The following DEF6 variants were observed in gnomAD, a reference collection of about 807,000 sequenced individuals.
The protein encoded by DEF6 is differentially expressed in FDCP 6 homolog.
In DEF6, 32 loss-of-function variants were observed where a neutral mutation model predicts 80.5. The ratio of observed to expected loss-of-function variants is 0.40; its 90% CI spans 0.30 to 0.53. The LOEUF (loss-of-function observed/expected upper bound fraction) is 0.53. Among genes scored for constraint, DEF6 ranks in the 20% least tolerant of loss-of-function variants. DEF6 has a pLI of 0.57. For synonymous variants in DEF6, 300 were observed against 337.9 expected (o/e 0.89, Z 1.23); for missense variants, 575 against 818.7 (o/e 0.70, Z 3.63).
At position 35,319,864 on chromosome 6, in the gene DEF6, G is replaced by A. The variant is rs1191838976; in HGVS notation, c.1428G>A (p.Leu476=). 6.3e-7 allele frequency: 1 copy of A among 1,587,332 alleles called. No individual in the cohort carries two copies. The highest frequency in any genetic ancestry group is 8.6e-7 in the Non-Finnish European group (1 of 1,166,742). Reference sequence around the variant, plus strand: ...AGAAGCTGAAGCAGTTGATGCAGCTGAAGGAGGAGCAGGAGCGCTACATCG... The same window carrying A: ...AGAAGCTGAAGCAGTTGATGCAGCTAAAGGAGGAGCAGGAGCGCTACATCG... ...EEEKLKQLMQ[L]KEEQERYIER... is the part of the protein sequence containing the mutation. The change falls in exon 9 of 11, where the codon CTG becomes CTA. Residue 476 remains leucine, a synonymous_variant. Coordinates refer to ENST00000316637, the MANE Select transcript of DEF6 (RefSeq NM_022047.4). This position sits in a 1 kb window ranked among gnomAD's most constrained non-coding sequence, Gnocchi z 4.5.
At chr6:35,321,007 G>A in intron 10 of DEF6, 33 bp downstream of exon 10, 2 of 1,608,494 alleles carry the variant, frequency 1.2e-6, no homozygotes, top group Non-Finnish European at 1.7e-6. Context: ...GCTTTCCCTG[G>A]AGCTGGGAGG....
At position 35,317,918 on chromosome 6, in the gene DEF6, T is replaced by C. The variant is rs1241379101; in HGVS notation, c.835T>C (p.Cys279Arg). The C allele has an allele frequency of 6.2e-7, 1 of 1,613,802 alleles. No individual in the cohort carries two copies. The highest frequency in any genetic ancestry group is 8.5e-7 in the Non-Finnish European group (1 of 1,179,982). Residue 279 changes from cysteine (C) to arginine (R), a missense_variant, in exon 6 of 11, where the codon TGC becomes CGC. Cys to Arg is a radical substitution (Grantham distance 180). Transcript: ENST00000316637. ...EVLPDRDGKR[C>R]MFCVKTANRT... ...GCTGCCAGACCGCGACGGAAAGCGC[T>C]GCATGTTCTGTGTGAAGACAGCCAA...
intron 2 of DEF6, among the ~76,000 whole-genome samples, chr6:35,310,241 T>C (rs754600247): frequency 6.6e-5 from 10 of 152,208 alleles, no homozygotes; most frequent in Non-Finnish European, 1.3e-4. Flanking sequence ...GTTAATCTGT[T>C]GTCAGGGGGC....
intron 5 of DEF6, among the ~76,000 whole-genome samples, chr6:35,315,431 G>A (rs1184460464): frequency 4.1e-5 from 6 of 147,320 alleles, no homozygotes; most frequent in African/African-American, 1.5e-4. Context: ...TTGGCTATTT[G>A]AGGTCTTTTG....
At chr6:35,307,319 A>G (rs374387353) in intron 1 of DEF6, among the ~76,000 whole-genome samples, 1 of 152,278 alleles carries the variant, frequency 6.6e-6, no homozygotes, top group Non-Finnish European at 1.5e-5. Context: ...GAATCACGTG[A>G]ACCTGGGAGG....
chr6:35,320,684 G>T (rs1791580229), intron 9 of DEF6, among the ~76,000 whole-genome samples, 200 bp from the exon 10 acceptor site: 1 of 152,174 alleles, frequency 6.6e-6, no homozygotes, highest in Non-Finnish European at 1.5e-5. Flanking sequence ...TTATCTTTTG[G>T]AAGTCCATGA....
At chr6:35,301,085 C>T (rs1346729185) in intron 1 of DEF6, among the ~76,000 whole-genome samples, 1 of 152,126 alleles carries the variant, frequency 6.6e-6, no homozygotes, top group Non-Finnish European at 1.5e-5. Context: ...TCTCCTGCAC[C>T]TCCAGCTGAT....
At chr6:35,311,367 C>A (rs1196155160) in intron 3 of DEF6, among the ~76,000 whole-genome samples, 4 of 152,068 alleles carry the variant, frequency 2.6e-5, no homozygotes, top group South Asian at 4.1e-4. Context: ...TCTGTACTTA[C>A]AAGAAGCCCT....
intron 1 of DEF6, among the ~76,000 whole-genome samples, chr6:35,299,314 A>G (rs942040913): frequency 6.6e-6 from 1 of 152,160 alleles, no homozygotes; most frequent in African/African-American, 2.4e-5. Context: ...CATTTCTGCA[A>G]ACTCTGTGTC....
At position 35,318,554 on chromosome 6, in the gene DEF6, G is replaced by C; in HGVS notation, c.1215+83G>C. On this transcript the variant is annotated intron_variant, in intron 7 of 10. Transcript: ENST00000316637. The surrounding 1 kb of genome is among the most constrained non-coding windows in gnomAD (Gnocchi z 5.1). ...GCGGAGCGCCGGGGGCGGGGCCTGGGCAGAGGGCGGAGCTCCTGGGTTGAG... is the reference window on the plus strand; with the variant it reads ...GCGGAGCGCCGGGGGCGGGGCCTGGCCAGAGGGCGGAGCTCCTGGGTTGAG... 2 of 1,294,310 alleles carry C rather than the reference G, an allele frequency of 1.5e-6. No individual in the cohort carries two copies. The highest frequency in any genetic ancestry group is 3.9e-5 in the South Asian group (2 of 51,424). The allele number at this position is 1,294,310 out of a possible 1,614,324, so 80.2% of individuals were successfully genotyped here. A position where few individuals can be genotyped will look rare whatever the true frequency, so the allele number is the denominator to read the frequency against.
intron 1 of DEF6, 126 bp downstream of exon 1, chr6:35,298,078 G>A: frequency 8.1e-6 from 7 of 866,368 alleles, no homozygotes; most frequent in South Asian, 7.6e-5. Context: ...CCGGGCCTGG[G>A]GTCGGGGGGC....
intron 5 of DEF6, among the ~76,000 whole-genome samples, chr6:35,315,913 C>T (rs2150388266): frequency 7.3e-6 from 1 of 136,542 alleles, no homozygotes; most frequent in South Asian, 2.4e-4. Context: ...GGCTGGAGTG[C>T]AATGGCACGA....
In DEF6 at chr6:35,319,192, T is replaced by C. The variant is rs116666828; in HGVS notation, c.1216-332T>C. ...AACATATTATTATATATTATAATAA[T>C]TATTAAGTTAGTGCTAGGAAGGAGA... On this transcript the variant is annotated intron_variant, in intron 7 of 10. Coordinates refer to ENST00000316637, the MANE Select transcript of DEF6 (RefSeq NM_022047.4). This position sits in a 1 kb window ranked among gnomAD's most constrained non-coding sequence, Gnocchi z 4.5. Among the ~76,000 whole-genome samples the C allele has an allele frequency of 2.7e-3, 416 of 151,902 alleles. 3 individuals carry two copies. Among genetic ancestry groups the C allele is most frequent in the African/African-American group, 9.3e-3 (387 of 41,434 alleles).
At position 35,312,189 on chromosome 6, in the gene DEF6, C is replaced by T. The variant is rs1791476555; in HGVS notation, c.424-113C>T. ...TCGGTCCTCTGGCCCCCTCAACGCT[C>T]TGTCCCCTGTTTCCCTCTGCCCAGG... On this transcript the variant is annotated intron_variant, in intron 3 of 10. Coordinates refer to ENST00000316637, the MANE Select transcript of DEF6 (RefSeq NM_022047.4). The surrounding 1 kb of genome is among the most constrained non-coding windows in gnomAD (Gnocchi z 6.6). 2.3e-6 allele frequency: 2 copies of T among 863,156 alleles called. No homozygotes were observed. Among genetic ancestry groups the T allele is most frequent in the African/African-American group, 1.7e-5 (1 of 59,330 alleles). The allele number at this position is 863,156 out of a possible 1,614,324, so 53.5% of individuals were successfully genotyped here.
In DEF6 at chr6:35,298,228, G is replaced by A. The variant is rs1255273316; in HGVS notation, c.96+276G>A. 2.0e-5 allele frequency among the ~76,000 whole-genome samples: 3 copies of A among 152,132 alleles called. No individual in the cohort carries two copies. In the South Asian group the frequency reaches 6.2e-4, roughly 31 times the overall value. Reference sequence around the variant, plus strand: ...CAGGAGGTTCTGAGGGCCATTATGGGGTTCTGAGGGCCAGGAGCCAGGCCA... The same window carrying A: ...CAGGAGGTTCTGAGGGCCATTATGGAGTTCTGAGGGCCAGGAGCCAGGCCA... On this transcript the variant is annotated intron_variant, in intron 1 of 10. Coordinates refer to ENST00000316637, the MANE Select transcript of DEF6 (RefSeq NM_022047.4).
At chr6:35,317,140 A>G (rs1028182708) in intron 5 of DEF6, among the ~76,000 whole-genome samples, 2 of 152,180 alleles carry the variant, frequency 1.3e-5, no homozygotes, top group African/African-American at 4.8e-5. Context: ...TCCTTTTAAA[A>G]AATTATCATA....
chr6:35,314,806 C>A (rs1360811432), intron 5 of DEF6, among the ~76,000 whole-genome samples: 6 of 131,886 alleles, frequency 4.5e-5, no homozygotes, highest in Admixed American at 3.3e-4. Context: ...GTTTGGTTGC[C>A]TATGCTTTTG....
chr6:35,309,888 C>A, intron 2 of DEF6, 78 bp downstream of exon 2: 1 of 1,539,228 alleles, frequency 6.5e-7, no homozygotes, highest in Non-Finnish European at 8.9e-7. Flanking sequence ...TACCTTGCCA[C>A]TCCAACTCTT....
At chr6:35,299,875 G>A (rs926823991) in intron 1 of DEF6, among the ~76,000 whole-genome samples, 3 of 152,114 alleles carry the variant, frequency 2.0e-5, no homozygotes, top group East Asian at 3.9e-4. Context: ...ATAGTGTTGG[G>A]GGGCGGGGAT....
Sources: gnomAD v4.1 joint callset for allele counts (sites outside exome capture counted in the v4.1 genomes callset) on GRCh38, gnomAD v4.1.1 for gene constraint, Gnocchi (gnomAD v3.1) non-coding constraint, MANE v1.5 for transcripts, NCBI Gene and HGNC (gene_info 2026-07-23, HGNC 2026-07-21) for gene names.